Variants in ADCY3 observed in about 807,000 individuals in gnomAD.
The protein encoded by ADCY3 is adenylate cyclase type 3.
ADCY3 carries 70 observed loss-of-function variants against 119.4 expected under a neutral mutation model. The ratio of observed to expected loss-of-function variants is 0.59; its 90% CI spans 0.48 to 0.72. The LOEUF is 0.72. ADCY3 is among the 30% of genes least tolerant of loss of function. ADCY3 has a pLI of 0.00. For missense variants in ADCY3, 1,238 were observed against 1,541.6 expected (o/e 0.80, Z 3.30); for synonymous variants, 672 against 621.4 (o/e 1.08, Z -1.21).
At chr2:24,913,273 T>A (rs1664024133) in intron 2 of ADCY3, among the ~76,000 whole-genome samples, 1 of 152,218 alleles carries the variant, frequency 6.6e-6, no homozygotes, top group South Asian at 2.1e-4. Context: ...CTTTCTCAAG[T>A]ACTCCTGGCC....
intron 2 of ADCY3, among the ~76,000 whole-genome samples, chr2:24,914,844 G>A (rs1664254292): frequency 6.6e-6 from 1 of 152,090 alleles, no homozygotes; most frequent in African/African-American, 2.4e-5. Context: ...GACCTTGCAG[G>A]CTGCAAGGCC....
intron 3 of ADCY3, among the ~76,000 whole-genome samples, chr2:24,853,520 A>G (rs1301053978): frequency 8.0e-6 from 1 of 125,374 alleles, no homozygotes; most frequent in Non-Finnish European, 1.5e-5. Context: ...CCCAGGCTGG[A>G]GTGCAATGGT....
Position 24,822,655 on chromosome 2 carries a change from T to C in ADCY3, c.2884-25A>G, listed in dbSNP as rs779884635. 6.8e-6 allele frequency: 11 copies of C among 1,612,318 alleles called. No homozygotes were observed. In the East Asian group the frequency reaches 1.1e-4, roughly 16 times the overall value. On this transcript the variant is annotated intron_variant, in intron 18 of 21. Coordinates refer to ENST00000679454, the MANE Select transcript of ADCY3 (RefSeq NM_004036.5). ...GCTGAGGCCAGGATTCAGGAAAGAA[T>C]TGTCAGCAGTCAAGGGAGAGGAATG...
In ADCY3 at chr2:24,919,284, G is replaced by C. The variant is rs191572601; in HGVS notation, c.-197-100C>G. On this transcript the variant is annotated intron_variant, in intron 1 of 21. Coordinates refer to ENST00000679454, the MANE Select transcript of ADCY3 (RefSeq NM_004036.5). The surrounding 1 kb of genome is among the most constrained non-coding windows in gnomAD (Gnocchi z 5.5). ...TCATAAAAGGATCTCTGCTGCAAGA[G>C]CCTCCCAACCCAGGGCCTTCCCTGC... The C allele has an allele frequency of 1.1e-3, 389 of 355,002 alleles. 3 individuals carry two copies. Among genetic ancestry groups the C allele is most frequent in the South Asian group, 1.6e-3 (46 of 29,096 alleles). 22.0% of individuals were successfully genotyped at this position (355,002 alleles called of 1,614,324 possible).
chr2:24,830,507 A>T (rs756872690), intron 13 of ADCY3, among the ~76,000 whole-genome samples: 3 of 152,118 alleles, frequency 2.0e-5, no homozygotes, highest in Non-Finnish European at 4.4e-5. Context: ...TCAAGGAAAC[A>T]AGTCCATCCC....
rs539235747 is a variant in ADCY3, at chr2:24,872,410, G to A, written c.825+160C>T. Among the ~76,000 whole-genome samples the A allele has an allele frequency of 1.3e-5, 2 of 152,340 alleles. No individual in the cohort carries two copies. Among genetic ancestry groups the A allele is most frequent in the African/African-American group, 4.8e-5 (2 of 41,584 alleles). ...AGCTCAGAAGCTGCCCTCTAATAGT[G>A]AGGAGCCCAGAAGACAAAGTTCAGA... On this transcript the variant is annotated intron_variant, in intron 3 of 21. Transcript: ENST00000679454. This position sits in a 1 kb window ranked among gnomAD's most constrained non-coding sequence, Gnocchi z 4.4.
chr2:24,886,500 C>T (rs576910510), intron 2 of ADCY3, among the ~76,000 whole-genome samples: 1 of 152,172 alleles, frequency 6.6e-6, no homozygotes, highest in Non-Finnish European at 1.5e-5. Context: ...ATAAACCTCC[C>T]TAAGATCTTC....
Position 24,822,504 on chromosome 2 carries a change from T to C in ADCY3, c.3003+7A>G. The C allele has an allele frequency of 6.2e-7, 1 of 1,613,300 alleles. No individual in the cohort carries two copies. On this transcript the variant is annotated splice_region_variant and intron_variant, in intron 19 of 21. Coordinates refer to ENST00000679454, the MANE Select transcript of ADCY3 (RefSeq NM_004036.5). ...GCCTCATCTCTCTGGCTACTGGGGTTAGCTACCTTGTTGGAGCTGGCAAAG... is the reference window on the plus strand; with the variant it reads ...GCCTCATCTCTCTGGCTACTGGGGTCAGCTACCTTGTTGGAGCTGGCAAAG...
At chr2:24,839,761 A>G in intron 7 of ADCY3, 112 bp downstream of exon 7, 1 of 1,454,146 alleles carries the variant, frequency 6.9e-7, no homozygotes, top group African/African-American at 1.4e-5. Context: ...CCGGGGTTGT[A>G]GGGAGGCCTT....
At chr2:24,843,639 T>C (rs1671315719) in intron 3 of ADCY3, among the ~76,000 whole-genome samples, 2 of 152,250 alleles carry the variant, frequency 1.3e-5, no homozygotes, top group South Asian at 4.1e-4. Flanking sequence ...AGAAGAGGTC[T>C]GTGGCTTGGG....
intron 2 of ADCY3, among the ~76,000 whole-genome samples, chr2:24,905,118 T>C (rs897823403): frequency 2.6e-5 from 4 of 151,356 alleles, no homozygotes; most frequent in African/African-American, 9.8e-5. Context: ...TGGTGAATAA[T>C]TGAAAGTGTG....
intron 18 of ADCY3, 53 bp downstream of exon 18, chr2:24,823,156 A>T: frequency 6.3e-7 from 1 of 1,576,222 alleles, no homozygotes. Flanking sequence ...GTAGGATGTG[A>T]TGTGGAATGG....
intron 3 of ADCY3, among the ~76,000 whole-genome samples, chr2:24,854,929 AATACC>A (rs1672823170): frequency 1.3e-5 from 2 of 152,262 alleles, no homozygotes; most frequent in African/African-American, 2.4e-5. Flanking sequence ...GGGCACCTGT[AATACC>A]AGCTGCTCAG....
chr2:24,819,876 A>C lies in ADCY3; in HGVS notation c.*56T>G. 1.3e-6 allele frequency: 2 copies of C among 1,570,382 alleles called. No homozygotes were observed. The highest frequency in any genetic ancestry group is 2.3e-5 in the East Asian group (1 of 44,012). On this transcript the variant is annotated 3_prime_UTR_variant, in exon 22 of 22. Coordinates refer to ENST00000679454, the MANE Select transcript of ADCY3 (RefSeq NM_004036.5). ...ATCCAGGAAGGTCGGGACTTCCTTC[A>C]GTTTCAAAAAATAAATTCTCCCTTC...
chr2:24,876,935 T>C (rs896449005), intron 2 of ADCY3, among the ~76,000 whole-genome samples: 4 of 152,160 alleles, frequency 2.6e-5, no homozygotes, highest in African/African-American at 9.7e-5. Flanking sequence ...TGACCTTCCT[T>C]TTTAGAACTC....
At chr2:24,859,716 G>A (rs553805070) in intron 3 of ADCY3, among the ~76,000 whole-genome samples, 2 of 152,294 alleles carry the variant, frequency 1.3e-5, no homozygotes, top group African/African-American at 4.8e-5. Flanking sequence ...CTGTAAGACC[G>A]GCATGAAGGA....
At chr2:24,917,955 C>A (rs79108850) in intron 2 of ADCY3, among the ~76,000 whole-genome samples, 3,407 of 152,232 alleles carry the variant, frequency 0.022, 56 homozygotes, top group South Asian at 0.051. Flanking sequence ...ATCAAGGAGC[C>A]CTCTTCCCAA....
intron 2 of ADCY3, among the ~76,000 whole-genome samples, chr2:24,893,936 TTTAATA>T (rs1470086448): frequency 6.6e-6 from 1 of 152,222 alleles, no homozygotes; most frequent in Non-Finnish European, 1.5e-5. Flanking sequence ...ATCACTTACA[TTTAATA>T]TTATCAATAT....
At chr2:24,820,890 C>T (rs1283737284) in intron 20 of ADCY3, 42 bp from the exon 21 acceptor site, 1 of 1,606,946 alleles carries the variant, frequency 6.2e-7, no homozygotes, top group Non-Finnish European at 8.5e-7. Flanking sequence ...ACAGGCCACA[C>T]CTTGTTATGG....
Sources: allele counts gnomAD v4.1 joint callset (sites outside exome capture counted in the v4.1 genomes callset), GRCh38; gene constraint gnomAD v4.1.1; non-coding constraint Gnocchi (gnomAD v3.1); transcripts MANE v1.5; gene names NCBI Gene and HGNC (gene_info 2026-07-23, HGNC 2026-07-21).